Variants in FAM76A observed in about 807,000 individuals in gnomAD.
FAM76A encodes the protein protein FAM76A.
Under a neutral mutation model 46.2 loss-of-function variants are expected in FAM76A, and 32 were observed. The ratio of observed to expected loss-of-function variants is 0.69; its 90% CI spans 0.52 to 0.93. The LOEUF (loss-of-function observed/expected upper bound fraction) is 0.93, where lower values mean the gene tolerates loss of function less well. FAM76A is among the 40% of genes least tolerant of loss of function. The pLI, the probability that FAM76A is intolerant of heterozygous loss-of-function variation, is 0.00. For synonymous variants in FAM76A, 137 were observed against 127.0 expected, an observed-to-expected ratio of 1.08 and a Z score of -0.53; for missense variants, 274 against 361.5, an observed-to-expected ratio of 0.76 and a Z score of 1.96.
intron 6 of FAM76A, among the ~76,000 whole-genome samples, chr1:27,750,987 A>C (rs2088322643): frequency 6.6e-6 from 1 of 152,160 alleles, no homozygotes; most frequent in Non-Finnish European, 1.5e-5. Flanking sequence ...ATATGATGAA[A>C]CACCATCTCT....
At chr1:27,756,452 G>A (rs1344226539) in intron 7 of FAM76A, among the ~76,000 whole-genome samples, 2 of 151,758 alleles carry the variant, frequency 1.3e-5, no homozygotes, top group African/African-American at 4.8e-5. Context: ...CACCATGCCT[G>A]GCTAATTTTT....
chr1:27,754,095 CCTT>C lies in FAM76A; in HGVS notation c.600-1096_600-1094del, dbSNP rs1182420161. The stretch of plus-strand genomic sequence containing the variant: ...GTTTTGCAGATTTCCTGAAACTATC[CCTT>C]CTTTTTTTTTTTTTTTTTTTTTTTT... On this transcript the variant is annotated intron_variant, in intron 6 of 8. Transcript: ENST00000373954. Among the ~76,000 whole-genome samples, 36 of 149,562 alleles carry C rather than the reference CCTT, an allele frequency of 2.4e-4. No homozygotes were observed. In the South Asian group the frequency reaches 6.1e-3, roughly 25 times the overall value.
chr1:27,748,403 C>T (rs1490740984), intron 5 of FAM76A, among the ~76,000 whole-genome samples: 3 of 150,380 alleles, frequency 2.0e-5, no homozygotes, highest in African/African-American at 4.9e-5. Context: ...GGATTACAGG[C>T]GTGAGCCACC....
chr1:27,732,075 G>C (rs2087966820), intron 2 of FAM76A, among the ~76,000 whole-genome samples: 1 of 152,128 alleles, frequency 6.6e-6, no homozygotes, highest in African/African-American at 2.4e-5. Context: ...ACCTCCCTCA[G>C]CCTCCCAAAG....
chr1:27,741,120 G>A (rs1047905027), intron 4 of FAM76A, among the ~76,000 whole-genome samples: 1 of 145,128 alleles, frequency 6.9e-6, no homozygotes, highest in African/African-American at 2.6e-5. Context: ...CAACAAGAGC[G>A]AAACTCCGTC....
intron 4 of FAM76A, chr1:27,739,218 T>C (rs528422292): frequency 7.0e-4 from 333 of 472,908 alleles, no homozygotes; most frequent in Non-Finnish European, 1.1e-3. Flanking sequence ...CCCTATTGTA[T>C]GCATGCTGAA....
chr1:27,762,929 C>G lies in FAM76A; in HGVS notation c.*2348C>G, dbSNP rs2088530724. The G allele has an allele frequency of 6.6e-6, 1 of 151,980 alleles. No individual in the cohort carries two copies. The highest frequency in any genetic ancestry group is 2.1e-4 in the South Asian group (1 of 4,828). The allele number at this position is 151,980 out of a possible 1,614,324, so 9.4% of individuals were successfully genotyped here. A position where few individuals can be genotyped will look rare whatever the true frequency, so the allele number is the denominator to read the frequency against. On this transcript the variant is annotated 3_prime_UTR_variant, in exon 9 of 9. Coordinates refer to ENST00000373954, the MANE Select transcript of FAM76A (RefSeq NM_152660.3). ...AAGTTCCAAAAAGGGAAAGAAGAAACCTCAGTCTTGAAATTTTGATTTTTA... is the reference window on the plus strand; with the variant it reads ...AAGTTCCAAAAAGGGAAAGAAGAAAGCTCAGTCTTGAAATTTTGATTTTTA...
Position 27,760,778 on chromosome 1 carries a change from T to C in FAM76A, c.*197T>C, listed in dbSNP as rs531655660. 8.4e-4 allele frequency: 250 copies of C among 298,452 alleles called. 1 individual carries two copies. In the South Asian group the frequency reaches 0.024, roughly 28 times the overall value. The allele number at this position is 298,452 out of a possible 1,614,324, so 18.5% of individuals were successfully genotyped here. A position where few individuals can be genotyped will look rare whatever the true frequency, so the allele number is the denominator to read the frequency against. On this transcript the variant is annotated 3_prime_UTR_variant, in exon 9 of 9. Transcript: ENST00000373954. ...GTGTTAGACTGCATGCTTGAGTGTT[T>C]GGGATTTCAAGCTCGCTCTCTTTCT...
At position 27,729,371 on chromosome 1, in the gene FAM76A, CT is replaced by C. The variant is rs200915145; in HGVS notation, c.146+1844del. On this transcript the variant is annotated intron_variant, in intron 2 of 8. Coordinates refer to ENST00000373954, the MANE Select transcript of FAM76A (RefSeq NM_152660.3). The stretch of plus-strand genomic sequence containing the variant: ...CAGGGGTGCACACCACCACACCCAG[CT>C]TTTTTTTTGTATCTTTAGTAGAGAC... 1.2e-3 allele frequency among the ~76,000 whole-genome samples: 183 copies of C among 150,796 alleles called. 3 individuals are homozygous for C. The highest frequency in any genetic ancestry group is 0.012 in the Admixed American group (175 of 15,118).
At chr1:27,731,608 A>G (rs1460728637) in intron 2 of FAM76A, among the ~76,000 whole-genome samples, 1 of 152,194 alleles carries the variant, frequency 6.6e-6, no homozygotes, top group African/African-American at 2.4e-5. Flanking sequence ...GTTAGCAAAG[A>G]TAGAATCTCT....
chr1:27,733,386 G>A (rs937739956), intron 3 of FAM76A, among the ~76,000 whole-genome samples: 2 of 152,172 alleles, frequency 1.3e-5, no homozygotes, highest in Non-Finnish European at 2.9e-5. Context: ...TAGCAAAGAG[G>A]CCTTTTCAGA....
chr1:27,752,569 A>G (rs1356620291), intron 6 of FAM76A, among the ~76,000 whole-genome samples: 1 of 152,160 alleles, frequency 6.6e-6, no homozygotes, highest in Admixed American at 6.6e-5. Flanking sequence ...TCTAAAGGAC[A>G]TTCTTTTTTT....
rs1049726533 is a variant in FAM76A, at chr1:27,744,676, G to T, written c.377G>T (p.Trp126Leu). The T allele has an allele frequency of 1.9e-6, 3 of 1,614,090 alleles. No individual in the cohort carries two copies. Among genetic ancestry groups the T allele is most frequent in the Non-Finnish European group, 2.5e-6 (3 of 1,180,008 alleles). Residue 126 changes from tryptophan (W) to leucine (L), a missense_variant, in exon 5 of 9, where the codon TGG becomes TTG. Transcript: ENST00000373954. ...RKKVDGKLLC[W>L]LCTLSYKRVL... ...CAGGTAGATGGGAAATTGCTGTGCT[G>T]GCTGTGCACACTTTCATACAAACGG...
chr1:27,751,997 C>T lies in FAM76A; in HGVS notation c.599+2843C>T, dbSNP rs1313237036. ...TTTTTTGTGTAGATGGGGTCTCGAA[C>T]TCCTGGCCTCAAGTGATCCTCCTGC... On this transcript the variant is annotated intron_variant, in intron 6 of 8. Coordinates refer to ENST00000373954, the MANE Select transcript of FAM76A (RefSeq NM_152660.3). 4.6e-5 allele frequency among the ~76,000 whole-genome samples: 7 copies of T among 152,108 alleles called. No individual in the cohort carries two copies. The South Asian group carries it at 1.4e-3, about 32-fold the overall frequency.
Position 27,760,773 on chromosome 1 carries a change from GTGTT to G in FAM76A, c.*195_*198del. 3.6e-6 allele frequency: 1 copy of G among 281,186 alleles called. No individual in the cohort carries two copies. The highest frequency in any genetic ancestry group is 7.1e-6 in the Non-Finnish European group (1 of 141,068). 17.4% of individuals were successfully genotyped at this position (281,186 alleles called of 1,614,324 possible). A position where few individuals can be genotyped will look rare whatever the true frequency, so the allele number is the denominator to read the frequency against. ...GTGCTGTGTTAGACTGCATGCTTGA[GTGTT>G]TGGGATTTCAAGCTCGCTCTCTTTC... is the stretch of plus-strand genomic sequence containing the variant. On this transcript the variant is annotated 3_prime_UTR_variant, in exon 9 of 9. Coordinates refer to ENST00000373954, the MANE Select transcript of FAM76A (RefSeq NM_152660.3).
chr1:27,756,817 T>C (rs2088417309), intron 7 of FAM76A, among the ~76,000 whole-genome samples: 1 of 151,994 alleles, frequency 6.6e-6, no homozygotes, highest in Non-Finnish European at 1.5e-5. Context: ...CCCAACACTT[T>C]GGGAGGCTGA....
chr1:27,754,686 G>A (rs542767962), intron 6 of FAM76A, among the ~76,000 whole-genome samples: 1 of 152,272 alleles, frequency 6.6e-6, no homozygotes, highest in East Asian at 1.9e-4. Context: ...CTCCTGGGTG[G>A]GAATCCAGCA....
rs866066248 is a variant in FAM76A at position 27,753,552 on chromosome 1, C to T, written c.600-1643C>T. ...ATTTATTTTTGTTATGCAGTAATTC[C>T]ATCCATTCATTAGTTATGAGAGCAT... On this transcript the variant is annotated intron_variant, in intron 6 of 8. Coordinates refer to ENST00000373954, the MANE Select transcript of FAM76A (RefSeq NM_152660.3). Among the ~76,000 whole-genome samples, 6 of 152,306 alleles carry T rather than the reference C, an allele frequency of 3.9e-5. No individual in the cohort carries two copies. The South Asian group carries it at 1.0e-3, about 26-fold the overall frequency.
At chr1:27,741,778 G>A (rs900361374) in intron 4 of FAM76A, among the ~76,000 whole-genome samples, 4 of 151,934 alleles carry the variant, frequency 2.6e-5, no homozygotes, top group East Asian at 1.9e-4. Context: ...AGCTACTTGG[G>A]AGGCTGAGGC....
Sources: gnomAD v4.1 joint callset for allele counts (sites outside exome capture counted in the v4.1 genomes callset) on GRCh38, gnomAD v4.1.1 for gene constraint, MANE v1.5 for transcripts, NCBI Gene and HGNC (gene_info 2026-07-23, HGNC 2026-07-21) for gene names.